The following LEPR variants were observed in gnomAD, a reference collection of about 807,000 sequenced individuals.
LEPR encodes the protein leptin receptor, also known as OB receptor.
LEPR carries 56 observed loss-of-function variants against 114.7 expected under a neutral mutation model. The ratio of observed to expected loss-of-function variants is 0.49; its 90% confidence interval spans 0.39 to 0.61. The LOEUF (loss-of-function observed/expected upper bound fraction) is 0.61. LEPR is among the 20% of genes least tolerant of loss of function. LEPR has a pLI of 0.00. For missense variants in LEPR, 1,202 were observed against 1,352.9 expected (o/e 0.89, Z 1.75); for synonymous variants, 443 against 461.4 (o/e 0.96, Z 0.51).
intron 19 of LEPR, among the ~76,000 whole-genome samples, chr1:65,631,883 A>G (rs1658538311): frequency 6.6e-6 from 1 of 152,066 alleles, no homozygotes; most frequent in Non-Finnish European, 1.5e-5. Context: ...TCCCTTAAAG[A>G]TATTTTAAGC....
intron 2 of LEPR, chr1:65,434,998 T>C: frequency 2.0e-6 from 2 of 985,476 alleles, no homozygotes; most frequent in South Asian, 9.4e-5. Flanking sequence ...CCATGACTGC[T>C]GCACCTGCGT....
At chr1:65,465,552 A>C (rs1320612070) in intron 2 of LEPR, among the ~76,000 whole-genome samples, 1 of 152,194 alleles carries the variant, frequency 6.6e-6, no homozygotes, top group Non-Finnish European at 1.5e-5. Flanking sequence ...CACTTGGTCC[A>C]GAGCTGAGTT....
intron 6 of LEPR, 72 bp from the exon 7 acceptor site, chr1:65,596,376 A>G: frequency 6.4e-7 from 1 of 1,572,578 alleles, no homozygotes; most frequent in Admixed American, 1.7e-5. Context: ...ATTTATCTTG[A>G]CTTTATTTTA....
rs1240886891 is a variant in LEPR at position 65,601,588 on chromosome 1, T to G, written c.1191T>G (p.Asn397Lys). The G allele has an allele frequency of 1.5e-5, 24 of 1,613,678 alleles. No homozygotes were observed. Among genetic ancestry groups the G allele is most frequent in the Non-Finnish European group, 1.9e-5 (22 of 1,179,790 alleles). ...GCAAAGTTACTTTTTTCAATCTGAATGAAACCAAACCTCGAGGAAAGTTTA... is the reference window on the plus strand; with the variant it reads ...GCAAAGTTACTTTTTTCAATCTGAAGGAAACCAAACCTCGAGGAAAGTTTA... ...HVSKVTFFNL[N>K]ETKPRGKFTY... Residue 397 changes from asparagine (N) to lysine (K), a missense_variant, in exon 9 of 20, where the codon AAT (asparagine) becomes AAG (lysine). Physicochemically the swap from Asn to Lys is moderately conservative, Grantham distance 94. Transcript: ENST00000349533.
intron 2 of LEPR, chr1:65,427,789 A>G: frequency 4.8e-6 from 2 of 416,164 alleles, no homozygotes; most frequent in Middle Eastern, 3.9e-4. Context: ...TAGAGATGCC[A>G]CAACACCCAG....
intron 19 of LEPR, chr1:65,626,319 T>C: frequency 7.6e-7 from 1 of 1,324,478 alleles, no homozygotes; most frequent in Non-Finnish European, 9.7e-7. Context: ...ATTAAAGAAA[T>C]GTGAAGAATT....
intron 2 of LEPR, among the ~76,000 whole-genome samples, chr1:65,469,393 G>A (rs1647055401): frequency 6.6e-6 from 1 of 152,220 alleles, no homozygotes; most frequent in African/African-American, 2.4e-5. Flanking sequence ...GAGACTGGAT[G>A]ATTTGAGTAA....
chr1:65,517,476 G>A (rs181149861), intron 2 of LEPR, among the ~76,000 whole-genome samples: 2 of 152,270 alleles, frequency 1.3e-5, no homozygotes, highest in East Asian at 3.9e-4. Flanking sequence ...CCTCACCAAC[G>A]GAGAACAAAT....
chr1:65,613,229 T>C (rs1308977024), intron 14 of LEPR, among the ~76,000 whole-genome samples: 2 of 152,188 alleles, frequency 1.3e-5, no homozygotes, highest in African/African-American at 4.8e-5. Flanking sequence ...GCTTCAGTCA[T>C]TGGGAGCTCT....
At chr1:65,617,358 G>A (rs1213911420) in intron 15 of LEPR, among the ~76,000 whole-genome samples, 2 of 152,204 alleles carry the variant, frequency 1.3e-5, no homozygotes, top group East Asian at 3.8e-4. Flanking sequence ...TGAAATGTGA[G>A]TAGGAATTAA....
At chr1:65,635,424 G>A in intron 19 of LEPR, 1 of 955,354 alleles carries the variant, frequency 1.0e-6, no homozygotes. Context: ...AAAATATGAT[G>A]TACATTTGTC....
Position 65,636,381 on chromosome 1 carries a change from T to C in LEPR, c.2864T>C (p.Ile955Thr), listed in dbSNP as rs1371343913. Reference protein sequence around the residue: ...TTDLEKGSVCISDQFNSVNFS... With the variant: ...TTDLEKGSVCTSDQFNSVNFS... ...GATCTTGAAAAGGGTTCTGTTTGTATTAGTGACCAGTTCAACAGTGTTAAC... is the reference window on the plus strand; with the variant it reads ...GATCTTGAAAAGGGTTCTGTTTGTACTAGTGACCAGTTCAACAGTGTTAAC... The change falls in exon 20 of 20, where the codon ATT becomes ACT. Residue 955 changes from isoleucine (I) to threonine (T), a missense_variant. Physicochemically the swap from Ile to Thr is moderately conservative, Grantham distance 89. Coordinates refer to ENST00000349533, the MANE Select transcript of LEPR (RefSeq NM_002303.6). 1 of 1,613,972 alleles carries C rather than the reference T, an allele frequency of 6.2e-7. No individual in the cohort carries two copies.
intron 2 of LEPR, among the ~76,000 whole-genome samples, chr1:65,484,611 A>G (rs532740588): frequency 3.9e-5 from 6 of 152,324 alleles, no homozygotes; most frequent in African/African-American, 1.2e-4. Flanking sequence ...CCGAAGGTAC[A>G]GGAGGACTCT....
intron 19 of LEPR, chr1:65,626,161 G>C: frequency 6.2e-7 from 1 of 1,612,020 alleles, no homozygotes; most frequent in Non-Finnish European, 8.5e-7. Context: ...GTGGAGGTTG[G>C]TTGACTTAGG....
intron 5 of LEPR, among the ~76,000 whole-genome samples, chr1:65,573,400 A>G (rs1411649225): frequency 1.3e-5 from 2 of 152,174 alleles, no homozygotes; most frequent in Non-Finnish European, 2.9e-5. Flanking sequence ...GGTGCGTTTT[A>G]TATTTCTTTT....
intron 2 of LEPR, among the ~76,000 whole-genome samples, chr1:65,478,553 T>C (rs1647182829): frequency 6.6e-6 from 1 of 152,200 alleles, no homozygotes; most frequent in Non-Finnish European, 1.5e-5. Context: ...ATTCCTATGC[T>C]TGCTCGTCTG....
In LEPR at chr1:65,443,002, A is replaced by C. The variant is rs74659608; in HGVS notation, c.-21+17624A>C. Among the ~76,000 whole-genome samples, 1,293 of 152,300 alleles carry C rather than the reference A, an allele frequency of 8.5e-3. 22 individuals carry two copies. The highest frequency in any genetic ancestry group is 0.03 in the African/African-American group (1,252 of 41,560). On this transcript the variant is annotated intron_variant, in intron 2 of 19. Transcript: ENST00000349533. The stretch of plus-strand genomic sequence containing the variant: ...TACAAGGCAGTAATAGACATGCAAA[A>C]ATTAATAGCAACAGTCTGATTCTGG...
intron 2 of LEPR, among the ~76,000 whole-genome samples, chr1:65,478,369 G>T (rs1000675138): frequency 6.6e-6 from 1 of 152,174 alleles, no homozygotes; most frequent in Non-Finnish European, 1.5e-5. Flanking sequence ...CTAAAAGGCT[G>T]CCATGTTTTC....
At position 65,622,960 on chromosome 1, in the gene LEPR, A is replaced by T; in HGVS notation, c.2652A>T (p.Ala884=). The change falls in exon 19 of 20, where the codon GCA becomes GCT. Residue 884 remains alanine, a synonymous_variant. Transcript: ENST00000349533. ...DVPNPKNCSW[A]QGLNFQKPET... Reference sequence around the variant, plus strand: ...CGAACCCCAAGAATTGTTCCTGGGCACAAGGACTTAATTTTCAGAAGGTTG... The same window carrying T: ...CGAACCCCAAGAATTGTTCCTGGGCTCAAGGACTTAATTTTCAGAAGGTTG... The T allele has an allele frequency of 6.2e-7, 1 of 1,614,046 alleles. No individual in the cohort carries two copies. The highest frequency in any genetic ancestry group is 8.5e-7 in the Non-Finnish European group (1 of 1,179,940).
Sources: allele counts gnomAD v4.1 joint callset (sites outside exome capture counted in the v4.1 genomes callset), GRCh38; gene constraint gnomAD v4.1.1; transcripts MANE v1.5; gene names NCBI Gene and HGNC (gene_info 2026-07-23, HGNC 2026-07-21).